PDCD2L: variants seen among roughly 807,000 people sequenced by gnomAD.
The protein encoded by PDCD2L is uS5 assembly chaperone PDCD2L.
Under a neutral mutation model 40.4 loss-of-function variants are expected in PDCD2L, and 44 were observed. That is an observed-to-expected ratio of 1.09 (90% CI 0.86 to 1.40). PDCD2L has a LOEUF of 1.40. Among genes scored for constraint, PDCD2L ranks in the 40% most tolerant of loss-of-function variants. The pLI is 0.00. For missense variants in PDCD2L, 470 were observed against 453.7 expected, an observed-to-expected ratio of 1.04 and a Z score of -0.33; for synonymous variants, 194 against 174.6, an observed-to-expected ratio of 1.11 and a Z score of -0.88.
At chr19:34,424,505 C>A (rs990986180) in intron 6 of PDCD2L, among the ~76,000 whole-genome samples, 5 of 152,158 alleles carry the variant, frequency 3.3e-5, no homozygotes, top group Admixed American at 1.3e-4. Flanking sequence ...CTGAGAGATT[C>A]AAGTGTCCAT....
chr19:34,424,105 C>T (rs949372463), intron 6 of PDCD2L, among the ~76,000 whole-genome samples: 1 of 151,896 alleles, frequency 6.6e-6, no homozygotes, highest in Admixed American at 6.6e-5. Context: ...GCCCTTTGCC[C>T]TGGTGCCTCC....
rs2075062651 is a variant in PDCD2L at position 34,404,513 on chromosome 19, C to T, written c.83C>T (p.Thr28Ile). 1 of 1,543,026 alleles carries T rather than the reference C, an allele frequency of 6.5e-7. No homozygotes were observed. Among genetic ancestry groups the T allele is most frequent in the Non-Finnish European group, 8.7e-7 (1 of 1,147,612 alleles). ...AGCCCCACAGGGCCGGGTGCCTGGA[C>T]TGCTAGCAAGCTGGGCGGCATTCCG... Reference protein sequence around the residue: ...HGSPTGPGAWTASKLGGIPDA... With the variant: ...HGSPTGPGAWIASKLGGIPDA... Residue 28 changes from threonine (T) to isoleucine (I), a missense_variant, in exon 1 of 7, where the codon ACT (threonine) becomes ATT (isoleucine). Coordinates refer to ENST00000246535, the MANE Select transcript of PDCD2L (RefSeq NM_032346.2).
intron 6 of PDCD2L, among the ~76,000 whole-genome samples, chr19:34,423,247 A>C (rs1381074044): frequency 6.6e-6 from 1 of 151,942 alleles, no homozygotes; most frequent in Non-Finnish European, 1.5e-5. Context: ...CAATGGTGCT[A>C]TCTCGGCTCA....
Position 34,426,042 on chromosome 19 carries a change from C to T in PDCD2L, c.999C>T (p.Cys333=). 1 of 1,612,680 alleles carries T rather than the reference C, an allele frequency of 6.2e-7. No homozygotes were observed. The highest frequency in any genetic ancestry group is 2.2e-5 in the East Asian group (1 of 44,844). The part of the protein sequence containing the change: ...TILVYTCEKS[C]WPPNHQTPME... ...TAGTTTACACATGTGAGAAGAGTTG[C>T]TGGCCCCCAAATCATCAGACTCCCA... Residue 333 remains cysteine (C), a synonymous_variant, in exon 7 of 7, where the codon TGC becomes TGT. Coordinates refer to ENST00000246535, the MANE Select transcript of PDCD2L (RefSeq NM_032346.2).
chr19:34,416,713 G>C (rs2075127751), intron 5 of PDCD2L, among the ~76,000 whole-genome samples: 1 of 152,174 alleles, frequency 6.6e-6, no homozygotes, highest in African/African-American at 2.4e-5. Context: ...GCCCCCTTTA[G>C]GTGTGAGCTA....
intron 3 of PDCD2L, among the ~76,000 whole-genome samples, chr19:34,408,476 C>A (rs576273762): frequency 6.6e-6 from 1 of 152,052 alleles, no homozygotes; most frequent in Non-Finnish European, 1.5e-5. Context: ...ATTACGGGCA[C>A]GTGCCACCAT....
chr19:34,420,400 C>CATT (rs1320234781), intron 5 of PDCD2L, among the ~76,000 whole-genome samples: 1 of 151,544 alleles, frequency 6.6e-6, no homozygotes, highest in African/African-American at 2.4e-5. Context: ...GGTCTCCTTG[C>CATT]ATTAACTTTC....
At position 34,421,648 on chromosome 19, in the gene PDCD2L, G is replaced by T. The variant is rs375858742; in HGVS notation, c.927G>T (p.Met309Ile). 16 of 1,613,036 alleles carry T rather than the reference G, an allele frequency of 9.9e-6. No individual in the cohort carries two copies. The highest frequency in any genetic ancestry group is 1.4e-5 in the Non-Finnish European group (16 of 1,179,472). ...AGCTTATGCCAGCACTGGTCAGCAT[G>T]CTCAAGAGTGCTAATTTAGGTGAGA... The part of the protein sequence containing the change: ...EFQLMPALVS[M>I]LKSANLGLSV... Residue 309 changes from methionine (M) to isoleucine (I), a missense_variant, in exon 6 of 7, where the codon ATG (methionine) becomes ATT (isoleucine). By Grantham distance (10) the Met-to-Ile change is conservative. Coordinates refer to ENST00000246535, the MANE Select transcript of PDCD2L (RefSeq NM_032346.2).
At chr19:34,417,640 T>G (rs1046668329) in intron 5 of PDCD2L, among the ~76,000 whole-genome samples, 2 of 150,190 alleles carry the variant, frequency 1.3e-5, no homozygotes, top group African/African-American at 4.9e-5. Context: ...TTAAGGAACA[T>G]AATAGACTTG....
chr19:34,407,809 T>G (rs1262259798), intron 3 of PDCD2L, among the ~76,000 whole-genome samples: 3 of 152,248 alleles, frequency 2.0e-5, no homozygotes, highest in African/African-American at 7.2e-5. Flanking sequence ...TTAACACATT[T>G]CATAAGATGA....
chr19:34,423,043 C>T (rs1236145553), intron 6 of PDCD2L, among the ~76,000 whole-genome samples: 1 of 151,982 alleles, frequency 6.6e-6, no homozygotes, highest in East Asian at 1.9e-4. Flanking sequence ...AGGTTCTTTA[C>T]CTAAGAGGCC....
chr19:34,407,913 AGTTTGTTT>A (rs541716922), intron 3 of PDCD2L, among the ~76,000 whole-genome samples: 4 of 151,968 alleles, frequency 2.6e-5, no homozygotes, highest in Admixed American at 1.3e-4. Flanking sequence ...ATATACACTG[AGTTTGTTT>A]GTTTGTTTGT....
chr19:34,413,399 G>A (rs1038278156), intron 4 of PDCD2L, among the ~76,000 whole-genome samples: 1 of 141,720 alleles, frequency 7.1e-6, no homozygotes, highest in African/African-American at 2.7e-5. Context: ...GGCATGGCAC[G>A]ATCTCGGCTC....
At position 34,409,235 on chromosome 19, in the gene PDCD2L, G is replaced by T. The variant is rs1239705431; in HGVS notation, c.411G>T (p.Gly137=). 6.2e-7 allele frequency: 1 copy of T among 1,614,062 alleles called. No individual in the cohort carries two copies. The highest frequency in any genetic ancestry group is 8.5e-7 in the Non-Finnish European group (1 of 1,180,044). Residue 137 remains glycine, a synonymous_variant, in exon 4 of 7, where the codon GGG becomes GGT. Transcript: ENST00000246535. ...ADDWGSDTEE[G]PSPQFTLDFG... ...ACTGGGGAAGTGATACTGAGGAGGGGCCTTCACCACAGTTTACCTTGGATT... is the reference window on the plus strand; with the variant it reads ...ACTGGGGAAGTGATACTGAGGAGGGTCCTTCACCACAGTTTACCTTGGATT...
chr19:34,413,937 C>T, intron 5 of PDCD2L, 90 bp downstream of exon 5: 1 of 797,314 alleles, frequency 1.3e-6, no homozygotes, highest in Non-Finnish European at 2.0e-6. Context: ...ATGAGAAAAG[C>T]AAAACCTACA....
intron 3 of PDCD2L, among the ~76,000 whole-genome samples, chr19:34,406,098 T>C (rs2075073890): frequency 6.6e-6 from 1 of 152,154 alleles, no homozygotes; most frequent in African/African-American, 2.4e-5. Flanking sequence ...CCTACACTTG[T>C]GCCACTGCAC....
At chr19:34,411,981 TATAA>T (rs1346654205) in intron 4 of PDCD2L, among the ~76,000 whole-genome samples, 3 of 146,106 alleles carry the variant, frequency 2.1e-5, no homozygotes, top group Non-Finnish European at 4.5e-5. Context: ...TATATATATA[TATAA>T]AATAAATAAT....
chr19:34,406,904 C>T (rs1337111761), intron 3 of PDCD2L, among the ~76,000 whole-genome samples: 3 of 146,886 alleles, frequency 2.0e-5, no homozygotes, highest in Non-Finnish European at 4.4e-5. Flanking sequence ...ACAATCTCAG[C>T]TCACTGCAAC....
At chr19:34,421,324 A>T in intron 5 of PDCD2L, 195 bp from the exon 6 acceptor site, 1 of 633,854 alleles carries the variant, frequency 1.6e-6, no homozygotes, top group Non-Finnish European at 2.8e-6. Context: ...CATTGACTTT[A>T]GTGCCTTTGA....
Sources: allele counts gnomAD v4.1 joint callset (sites outside exome capture counted in the v4.1 genomes callset), GRCh38; gene constraint gnomAD v4.1.1; transcripts MANE v1.5; gene names NCBI Gene and HGNC (gene_info 2026-07-23, HGNC 2026-07-21).